Variants in CDH13 observed in about 807,000 individuals in gnomAD.
CDH13 encodes the protein cadherin-13.
A neutral mutation model predicts 63.8 loss-of-function variants in CDH13; 24 were observed. The ratio of observed to expected loss-of-function variants is 0.38; its 90% CI spans 0.27 to 0.53. CDH13 has a LOEUF of 0.53. Ranked by LOEUF, CDH13 falls within the 20% of genes least tolerant of loss-of-function variation. CDH13 has a pLI of 0.85. For missense variants in CDH13, 1,049 were observed against 903.1 expected, an observed-to-expected ratio of 1.16 and a Z score of -2.07; for synonymous variants, 503 against 355.3, an observed-to-expected ratio of 1.42 and a Z score of -4.67.
chr16:82,802,204 G>T (rs1022663997), intron 1 of CDH13, among the ~76,000 whole-genome samples: 1 of 152,116 alleles, frequency 6.6e-6, no homozygotes, highest in African/African-American at 2.4e-5. Context: ...TCCAGTGGCC[G>T]CAGAAAGTCC....
chr16:83,231,416 T>C (rs537762181), intron 5 of CDH13, among the ~76,000 whole-genome samples: 5 of 152,268 alleles, frequency 3.3e-5, no homozygotes, highest in African/African-American at 1.2e-4. Flanking sequence ...GAGTCAGGAT[T>C]GGGGTGAGGA....
chr16:83,313,397 C>T (rs1347530575), intron 5 of CDH13, among the ~76,000 whole-genome samples: 1 of 152,142 alleles, frequency 6.6e-6, no homozygotes, highest in African/African-American at 2.4e-5. Context: ...ATATGTTAGC[C>T]ATCTGTCATA....
intron 10 of CDH13, among the ~76,000 whole-genome samples, chr16:83,690,707 G>C (rs1422997124): frequency 6.6e-6 from 1 of 152,112 alleles, no homozygotes; most frequent in African/African-American, 2.4e-5. Flanking sequence ...AGAAGCTGCA[G>C]ACACTGAATT....
chr16:82,832,973 C>G (rs1461003679), intron 1 of CDH13, among the ~76,000 whole-genome samples: 1 of 152,104 alleles, frequency 6.6e-6, no homozygotes, highest in Non-Finnish European at 1.5e-5. Flanking sequence ...GAACTGCAGC[C>G]ATGGATTAGC....
chr16:83,128,233 T>G (rs1194235164), intron 4 of CDH13, among the ~76,000 whole-genome samples: 1 of 152,094 alleles, frequency 6.6e-6, no homozygotes, highest in Non-Finnish European at 1.5e-5. Flanking sequence ...TCCGAGGTGA[T>G]TCAGATATGC....
At chr16:82,980,244 G>T (rs1910084912) in intron 2 of CDH13, among the ~76,000 whole-genome samples, 1 of 152,162 alleles carries the variant, frequency 6.6e-6, no homozygotes. Flanking sequence ...CAGGGAAGAA[G>T]CAAGGATAAA....
chr16:83,310,682 G>T (rs1010948673), intron 5 of CDH13, among the ~76,000 whole-genome samples: 1 of 152,090 alleles, frequency 6.6e-6, no homozygotes, highest in African/African-American at 2.4e-5. Flanking sequence ...ATGAACCCTG[G>T]TGCTTGTACA....
rs541973333 is a variant in CDH13 at position 82,836,059 on chromosome 16, C to A, written c.46-22303C>A. 3.3e-5 allele frequency among the ~76,000 whole-genome samples: 5 copies of A among 152,280 alleles called. No homozygotes were observed. In the East Asian group the frequency reaches 7.7e-4, roughly 24 times the overall value. On this transcript the variant is annotated intron_variant, in intron 1 of 13. Coordinates refer to ENST00000567109, the MANE Select transcript of CDH13 (RefSeq NM_001257.5). ...TCTGAAATGCATTCTTCCCATATGG[C>A]TTTTCAGGGCCCTAAGTGTGAATAT...
chr16:83,433,343 G>C (rs938802273), intron 6 of CDH13, among the ~76,000 whole-genome samples: 3 of 152,180 alleles, frequency 2.0e-5, no homozygotes, highest in African/African-American at 7.2e-5. Flanking sequence ...GAGGCTTGTT[G>C]AGTAGTTCCA....
At chr16:83,239,623 T>C (rs1904300062) in intron 5 of CDH13, among the ~76,000 whole-genome samples, 1 of 152,232 alleles carries the variant, frequency 6.6e-6, no homozygotes, top group South Asian at 2.1e-4. Flanking sequence ...TTTCTGTGAC[T>C]GAGGTGATTT....
rs139584180 is a variant in CDH13 at position 82,995,673 on chromosome 16, A to C, written c.158-36337A>C. Among the ~76,000 whole-genome samples, 3 of 152,274 alleles carry C rather than the reference A, an allele frequency of 2.0e-5. No homozygotes were observed. The East Asian group carries it at 5.8e-4, about 29-fold the overall frequency. On this transcript the variant is annotated intron_variant, in intron 2 of 13. Coordinates refer to ENST00000567109, the MANE Select transcript of CDH13 (RefSeq NM_001257.5). ...CCATGGTGTATCGTAAAAACACACC[A>C]AACAACTATTTTCAAAATAGATGTG...
At chr16:83,296,046 G>C (rs1241437546) in intron 5 of CDH13, among the ~76,000 whole-genome samples, 1 of 152,164 alleles carries the variant, frequency 6.6e-6, no homozygotes, top group Non-Finnish European at 1.5e-5. Flanking sequence ...AAATCTCTGT[G>C]TTGCAGAAAC....
intron 3 of CDH13, among the ~76,000 whole-genome samples, chr16:83,091,828 T>G (rs1002957092): frequency 5.3e-5 from 8 of 152,226 alleles, no homozygotes; most frequent in African/African-American, 1.9e-4. Flanking sequence ...GTTTCATGAT[T>G]CATTTTTTAA....
chr16:83,556,788 C>T (rs542738365), intron 7 of CDH13, among the ~76,000 whole-genome samples: 43 of 152,234 alleles, frequency 2.8e-4, no homozygotes, highest in Non-Finnish European at 4.7e-4. Context: ...CCACACTTCA[C>T]GCCACACTTA....
chr16:83,583,595 T>A (rs1905843595), intron 7 of CDH13, among the ~76,000 whole-genome samples: 1 of 152,202 alleles, frequency 6.6e-6, no homozygotes. Context: ...ATTGCTTTAT[T>A]TTGCAGAACC....
At chr16:83,524,330 A>T (rs1017601619) in intron 7 of CDH13, among the ~76,000 whole-genome samples, 1 of 152,146 alleles carries the variant, frequency 6.6e-6, no homozygotes, top group African/African-American at 2.4e-5. Context: ...TTAAAAATGT[A>T]TAACCACATT....
intron 2 of CDH13, among the ~76,000 whole-genome samples, chr16:82,888,595 G>A (rs1346409348): frequency 1.3e-5 from 2 of 152,172 alleles, no homozygotes; most frequent in African/African-American, 2.4e-5. Flanking sequence ...TTAAAGCAGG[G>A]TTCAGAAAAG....
intron 1 of CDH13, among the ~76,000 whole-genome samples, chr16:82,853,803 C>G (rs923059517): frequency 6.6e-6 from 1 of 152,154 alleles, no homozygotes; most frequent in African/African-American, 2.4e-5. Flanking sequence ...TAGAGTAAGA[C>G]TATGATTGCC....
At chr16:83,595,492 A>T (rs1037981576) in intron 7 of CDH13, among the ~76,000 whole-genome samples, 1 of 152,186 alleles carries the variant, frequency 6.6e-6, no homozygotes, top group Non-Finnish European at 1.5e-5. Context: ...CATATTAAAC[A>T]AGGTAAGCTA....
Sources: gnomAD v4.1 joint callset for allele counts (sites outside exome capture counted in the v4.1 genomes callset) on GRCh38, gnomAD v4.1.1 for gene constraint, MANE v1.5 for transcripts, NCBI Gene and HGNC (gene_info 2026-07-23, HGNC 2026-07-21) for gene names.